The following ZNF345 variants were observed in gnomAD, a reference collection of about 807,000 sequenced individuals.
ZNF345 encodes zinc finger protein 345, also known as zinc finger protein HZF10.
For synonymous variants in ZNF345, 166 were observed against 187.9 expected, an observed-to-expected ratio of 0.88 and a Z score of 0.95; for missense variants, 527 against 589.9, an observed-to-expected ratio of 0.89 and a Z score of 1.10.
chr19:36,873,689 C>CT lies in ZNF345; in HGVS notation c.-46-3081dup, dbSNP rs34362517. Among the ~76,000 whole-genome samples the CT allele has an allele frequency of 2.7e-3, 380 of 142,682 alleles. 2 individuals carry two copies. The highest frequency in any genetic ancestry group is 6.3e-3 in the East Asian group (31 of 4,928). The allele number at this position is 142,682 out of a possible 152,430, so 93.6% of individuals were successfully genotyped here. A position where few individuals can be genotyped will look rare whatever the true frequency, so the allele number is the denominator to read the frequency against. On this transcript the variant is annotated intron_variant, in intron 2 of 2. Coordinates refer to ENST00000420450, the MANE Select transcript of ZNF345 (RefSeq NM_001242472.2). ...TACCATTCTGTATGCTATTTCTGTA[C>CT]TTTTTTTTTTTTTTTACATTCTACA...
chr19:36,877,918 T>C lies in ZNF345; in HGVS notation c.1088T>C (p.Ile363Thr). ...TCAGACCTTACTCAACATCACAGAA[T>C]TCATACTGGTGAGAAACCCTATGAA... Reference protein sequence around the residue: ...SGSDLTQHHRIHTGEKPYECK... With the variant: ...SGSDLTQHHRTHTGEKPYECK... The change falls in exon 3 of 3, where the codon ATT becomes ACT. Residue 363 changes from isoleucine to threonine, a missense_variant. Ile to Thr is a moderately conservative substitution (Grantham distance 89, BLOSUM62 -1). Transcript: ENST00000420450. 6.2e-7 allele frequency: 1 copy of C among 1,614,172 alleles called. No individual in the cohort carries two copies. Among genetic ancestry groups the C allele is most frequent in the African/African-American group, 1.3e-5 (1 of 75,062 alleles).
At chr19:36,876,345 A>T (rs1158995007) in intron 2 of ZNF345, among the ~76,000 whole-genome samples, 1 of 152,140 alleles carries the variant, frequency 6.6e-6, no homozygotes. Flanking sequence ...ACCCCAGGAA[A>T]AATGTAGTAC....
chr19:36,873,456 T>TC (rs2072811030), intron 2 of ZNF345, among the ~76,000 whole-genome samples: 1 of 152,208 alleles, frequency 6.6e-6, no homozygotes, highest in Admixed American at 6.5e-5. Context: ...AACATGTTCA[T>TC]CATCTCACAT....
intron 2 of ZNF345, among the ~76,000 whole-genome samples, chr19:36,864,826 C>T (rs948644172): frequency 2.0e-4 from 30 of 152,150 alleles, no homozygotes; most frequent in African/African-American, 7.2e-4. Context: ...GCAGGGTTGG[C>T]ATCTGAGAGT....
intron 3 of ZNF345, chr19:36,890,517 C>T (rs2073039677): frequency 6.6e-6 from 1 of 151,536 alleles, no homozygotes; most frequent in African/African-American, 2.4e-5. Context: ...TATAAATGAC[C>T]TTCTTTGTCC....
chr19:36,891,696 T>A (rs750022943), intron 3 of ZNF345: 3 of 1,614,086 alleles, frequency 1.9e-6, no homozygotes, highest in Non-Finnish European at 2.5e-6. Flanking sequence ...GAATAAGTTC[T>A]GAGCTCTGAA....
At chr19:36,851,243 G>A (rs1250951091) in intron 1 of ZNF345, 2 of 151,574 alleles carry the variant, frequency 1.3e-5, no homozygotes, top group Non-Finnish European at 2.9e-5. Context: ...TCCCCTTGGG[G>A]TGTGTGTGTG....
In ZNF345 at chr19:36,886,972, C is replaced by T. The variant is rs2073003601; in HGVS notation, c.47-5846C>T. On this transcript the variant is annotated intron_variant, in intron 3 of 3. Transcript: ENST00000526123. ...TAGCGCCACTGCAGTCCAGCTTGGG[C>T]GAAAGAGTGAGACTCCGTCTCAAAA... is the stretch of plus-strand genomic sequence containing the variant. Among the ~76,000 whole-genome samples the T allele has an allele frequency of 3.7e-5, 5 of 133,436 alleles. No homozygotes were observed. The South Asian group carries it at 9.5e-4, about 25-fold the overall frequency. The allele number at this position is 133,436 out of a possible 152,430, so 87.5% of individuals were successfully genotyped here.
chr19:36,864,858 A>C (rs928447115), intron 2 of ZNF345, among the ~76,000 whole-genome samples: 4 of 152,200 alleles, frequency 2.6e-5, no homozygotes, highest in Non-Finnish European at 5.9e-5. Flanking sequence ...GTTTTGTGCC[A>C]TAAGTGCCTC....
At chr19:36,874,933 A>C (rs1335821730) in intron 2 of ZNF345, among the ~76,000 whole-genome samples, 1 of 152,200 alleles carries the variant, frequency 6.6e-6, no homozygotes, top group African/African-American at 2.4e-5. Context: ...CACGTGATCC[A>C]CTTGAGCTTT....
In ZNF345 at chr19:36,886,879, A is replaced by G. The variant is rs548164204; in HGVS notation, c.47-5939A>G. Among the ~76,000 whole-genome samples, 14 of 151,650 alleles carry G rather than the reference A, an allele frequency of 9.2e-5. No homozygotes were observed. In the South Asian group the frequency reaches 2.9e-3, roughly 32 times the overall value. Reference sequence around the variant, plus strand: ...CGTGGTGGTGGGCGCCTGTAATCCCAGCTACTCGGGAGGCTGAGGCAGGAG... The same window carrying G: ...CGTGGTGGTGGGCGCCTGTAATCCCGGCTACTCGGGAGGCTGAGGCAGGAG... On this transcript the variant is annotated intron_variant, in intron 3 of 3. Coordinates refer to the ZNF345 transcript ENST00000526123.
chr19:36,889,819 GTTTGT>G (rs1370689688), intron 3 of ZNF345: 2 of 152,058 alleles, frequency 1.3e-5, no homozygotes, highest in East Asian at 1.9e-4. Context: ...TTTGGGTTGA[GTTTGT>G]TTTGTTTTTT....
At chr19:36,859,973 T>TG (rs2072511305) in intron 2 of ZNF345, among the ~76,000 whole-genome samples, 1 of 152,144 alleles carries the variant, frequency 6.6e-6, no homozygotes, top group Admixed American at 6.6e-5. Context: ...TTTGTTTGTT[T>TG]TTTTGAGACA....
chr19:36,888,174 T>C (rs2073015030), intron 3 of ZNF345: 1 of 151,906 alleles, frequency 6.6e-6, no homozygotes, highest in Non-Finnish European at 1.5e-5. Context: ...CTGTTAAACA[T>C]TTGAATAAAT....
chr19:36,854,226 C>T (rs1380558583), intron 2 of ZNF345, among the ~76,000 whole-genome samples: 1 of 141,846 alleles, frequency 7.0e-6, no homozygotes, highest in African/African-American at 2.8e-5. Flanking sequence ...TAATTTTAGC[C>T]TGGGTTTTGT....
At chr19:36,873,264 C>T (rs1323605977) in intron 2 of ZNF345, among the ~76,000 whole-genome samples, 1 of 151,880 alleles carries the variant, frequency 6.6e-6, no homozygotes, top group Admixed American at 6.6e-5. Flanking sequence ...TCTTTGTTCT[C>T]CTATATAGTC....
downstream of ZNF345, among the ~76,000 whole-genome samples, chr19:36,880,185 T>A (rs563184748): frequency 6.6e-6 from 1 of 152,200 alleles, no homozygotes; most frequent in East Asian, 1.9e-4. Flanking sequence ...CCAGGCATGG[T>A]GGCGTGTGCC....
At chr19:36,891,243 TCA>T (rs1244271470) in intron 3 of ZNF345, 1 of 403,330 alleles carries the variant, frequency 2.5e-6, no homozygotes. Context: ...GAACAGATCC[TCA>T]GAGTCCTCAG....
chr19:36,876,192 C>A (rs750735946), intron 2 of ZNF345, among the ~76,000 whole-genome samples: 3 of 152,178 alleles, frequency 2.0e-5, no homozygotes, highest in African/African-American at 7.2e-5. Flanking sequence ...ACAGATGAAT[C>A]TTCCCTCTCC....
Sources: gnomAD v4.1 joint callset for allele counts (sites outside exome capture counted in the v4.1 genomes callset) on GRCh38, gnomAD v4.1.1 for gene constraint, MANE v1.5 for transcripts, NCBI Gene and HGNC (gene_info 2026-07-23, HGNC 2026-07-21) for gene names.